KCNU1: variants seen among roughly 807,000 people sequenced by gnomAD.
The protein encoded by KCNU1 is potassium calcium-activated channel subfamily U member 1.
Under a neutral mutation model 126.8 loss-of-function variants are expected in KCNU1, and 93 were observed. The observed-to-expected ratio is 0.73, with a 90% CI of 0.62 to 0.87. KCNU1 has a LOEUF of 0.87. Ranked by LOEUF, KCNU1 falls within the 40% of genes least tolerant of loss-of-function variation. KCNU1 has a pLI of 0.00. For synonymous variants in KCNU1, 523 were observed against 494.2 expected (o/e 1.06, Z -0.77); for missense variants, 1,330 against 1,367.1 (o/e 0.97, Z 0.43).
rs554843154 is a variant in KCNU1 at position 36,875,654 on chromosome 8, T to C, written c.2009+11133T>C. ...ATTTACTTATTGCATGTAATAATTA[T>C]GATTAATACCTTTATATTCACATTT... is the stretch of plus-strand genomic sequence containing the variant. On this transcript the variant is annotated intron_variant, in intron 19 of 26. Transcript: ENST00000399881. 3.3e-5 allele frequency among the ~76,000 whole-genome samples: 5 copies of C among 152,248 alleles called. No homozygotes were observed. The South Asian group carries it at 1.0e-3, about 32-fold the overall frequency.
In KCNU1 at chr8:36,855,305, C is replaced by T. The variant is rs372480992; in HGVS notation, c.1892-9099C>T. ...CTTCAATTTGCCCTGCTATCTGTTG[C>T]CTCAGGCACATGTGACGTTAATATA... is the stretch of plus-strand genomic sequence containing the variant. On this transcript the variant is annotated intron_variant, in intron 18 of 26. Coordinates refer to ENST00000399881, the MANE Select transcript of KCNU1 (RefSeq NM_001031836.3). Among the ~76,000 whole-genome samples, 39 of 152,126 alleles carry T rather than the reference C, an allele frequency of 2.6e-4. 1 individual carries two copies. The highest frequency in any genetic ancestry group is 8.9e-4 in the African/African-American group (37 of 41,482).
intron 24 of KCNU1, among the ~76,000 whole-genome samples, chr8:36,927,898 TGGAGAGAGAGAACAAGAG>T (rs980725387): frequency 8.3e-5 from 12 of 144,560 alleles, no homozygotes; most frequent in Admixed American, 1.4e-4. Flanking sequence ...ACAAGAGGGA[TGGAGAGAGAGAACAAGAG>T]GGAGAGAGAG....
intron 23 of KCNU1, among the ~76,000 whole-genome samples, chr8:36,919,698 G>T (rs566453279): frequency 6.6e-6 from 1 of 152,288 alleles, no homozygotes; most frequent in Admixed American, 6.5e-5. Flanking sequence ...AGCGCAGATT[G>T]AACCAATTCA....
chr8:36,864,238 A>T (rs947880117), intron 18 of KCNU1, among the ~76,000 whole-genome samples, 166 bp from the exon 19 acceptor site: 2 of 152,164 alleles, frequency 1.3e-5, no homozygotes, highest in Non-Finnish European at 2.9e-5. Flanking sequence ...CTGTAGAAGG[A>T]AAGCAAAGAG....
chr8:36,893,536 G>A (rs533642301), intron 19 of KCNU1, among the ~76,000 whole-genome samples: 2 of 151,922 alleles, frequency 1.3e-5, no homozygotes, highest in Admixed American at 6.6e-5. Flanking sequence ...ATATTTAACA[G>A]CTTCAGATCT....
At chr8:36,787,169 T>C (rs1802736127) in intron 1 of KCNU1, 137 bp from the exon 2 acceptor site, 1 of 688,974 alleles carries the variant, frequency 1.5e-6, no homozygotes, top group African/African-American at 1.9e-5. Flanking sequence ...AATAAGCAAC[T>C]TCAGGGTTCC....
At chr8:36,789,136 G>A (rs1329443293) in intron 2 of KCNU1, among the ~76,000 whole-genome samples, 10 of 152,074 alleles carry the variant, frequency 6.6e-5, no homozygotes, top group Admixed American at 5.2e-4. Context: ...CAGGAGAATC[G>A]CTTGAGCCTA....
At chr8:36,915,188 A>T (rs1156937614) in intron 22 of KCNU1, among the ~76,000 whole-genome samples, 1 of 152,192 alleles carries the variant, frequency 6.6e-6, no homozygotes, top group African/African-American at 2.4e-5. Flanking sequence ...TCAAAGGGGG[A>T]TTTACCCATA....
At chr8:36,846,868 C>A (rs1350959468) in intron 18 of KCNU1, among the ~76,000 whole-genome samples, 1 of 151,346 alleles carries the variant, frequency 6.6e-6, no homozygotes, top group East Asian at 1.9e-4. Context: ...CAGAATTTAA[C>A]CTTAGTCAAT....
intron 11 of KCNU1, 38 bp from the exon 12 acceptor site, chr8:36,834,748 A>T: frequency 7.4e-7 from 1 of 1,347,838 alleles, no homozygotes; most frequent in Non-Finnish European, 1.1e-6. Context: ...TTTCCCATGT[A>T]ATTAACAAGA....
chr8:36,890,357 C>T (rs914721409), intron 19 of KCNU1, among the ~76,000 whole-genome samples: 1 of 151,762 alleles, frequency 6.6e-6, no homozygotes, highest in African/African-American at 2.4e-5. Context: ...ACAGCAGCAT[C>T]ATAAGAGATG....
At chr8:36,825,867 TACTTCTG>T (rs1804300238) in intron 10 of KCNU1, among the ~76,000 whole-genome samples, 1 of 152,186 alleles carries the variant, frequency 6.6e-6, no homozygotes, top group South Asian at 2.1e-4. Flanking sequence ...TTATTCCACT[TACTTCTG>T]ACTTCTGTTG....
At chr8:36,854,250 A>G (rs1442157773) in intron 18 of KCNU1, among the ~76,000 whole-genome samples, 2 of 152,098 alleles carry the variant, frequency 1.3e-5, no homozygotes, top group African/African-American at 4.8e-5. Context: ...AGTTGTGTAG[A>G]TTAATGTTTT....
chr8:36,807,234 G>C (rs1183581922), intron 5 of KCNU1, 141 bp from the exon 6 acceptor site: 1 of 664,536 alleles, frequency 1.5e-6, no homozygotes, highest in East Asian at 2.6e-5. Flanking sequence ...AGCTTATGCT[G>C]TTAAGCCTAT....
intron 24 of KCNU1, among the ~76,000 whole-genome samples, chr8:36,928,268 A>G (rs945245087): frequency 6.6e-6 from 1 of 152,120 alleles, no homozygotes; most frequent in Non-Finnish European, 1.5e-5. Flanking sequence ...GTTTTCCTAG[A>G]GCTATTGATA....
Position 36,911,051 on chromosome 8 carries a change from T to C in KCNU1, c.2453T>C (p.Ile818Thr), listed in dbSNP as rs765168681. The change falls in exon 22 of 27, where the codon ATC becomes ACC. Residue 818 changes from isoleucine to threonine, a missense_variant. By Grantham distance (89) the Ile-to-Thr change is moderately conservative. Around this residue, in one of 3 missense-constraint regions of KCNU1, gnomAD observed 1,054 missense variants for 1,053.9 expected, o/e 1.00. Transcript: ENST00000399881. ...CAGACTTTGGTAGACACAGAAGCCATCATGGCAACCCTCACCATCGGATCC... is the reference window on the plus strand; with the variant it reads ...CAGACTTTGGTAGACACAGAAGCCACCATGGCAACCCTCACCATCGGATCC... The part of the protein sequence containing the change: ...SNQTLVDTEA[I>T]MATLTIGSLQ... The C allele has an allele frequency of 1.2e-6, 2 of 1,613,598 alleles. No individual in the cohort carries two copies. Among genetic ancestry groups the C allele is most frequent in the South Asian group, 2.2e-5 (2 of 91,048 alleles).
At chr8:36,837,040 G>A (rs1212747769) in intron 14 of KCNU1, 95 bp downstream of exon 14, 6 of 1,205,704 alleles carry the variant, frequency 5.0e-6, no homozygotes, top group Non-Finnish European at 7.2e-6. Flanking sequence ...AAGCATCAAG[G>A]CCCCAAGCAA....
At chr8:36,800,382 G>A (rs1159449126) in intron 2 of KCNU1, among the ~76,000 whole-genome samples, 1 of 152,138 alleles carries the variant, frequency 6.6e-6, no homozygotes, top group Non-Finnish European at 1.5e-5. Flanking sequence ...TTCTCATAAA[G>A]ATAAGCTTGG....
At chr8:36,822,046 T>C (rs1202086554) in intron 10 of KCNU1, among the ~76,000 whole-genome samples, 2 of 152,132 alleles carry the variant, frequency 1.3e-5, no homozygotes, top group Admixed American at 6.5e-5. Context: ...CTGCTCCTCC[T>C]ACCAAAAGTG....
Sources: allele counts gnomAD v4.1 joint callset (sites outside exome capture counted in the v4.1 genomes callset), GRCh38; gene constraint gnomAD v4.1.1; regional missense constraint gnomAD v4.1.1; transcripts MANE v1.5; gene names NCBI Gene and HGNC (gene_info 2026-07-23, HGNC 2026-07-21).